OSBPL1A: variants seen among roughly 807,000 people sequenced by gnomAD.
OSBPL1A encodes the protein oxysterol-binding protein-related protein 1.
A neutral mutation model predicts 137.1 loss-of-function variants in OSBPL1A; 80 were observed. That is an observed-to-expected ratio of 0.58 (90% confidence interval 0.49 to 0.70). OSBPL1A has a LOEUF of 0.70. Among genes scored for constraint, OSBPL1A ranks in the 30% least tolerant of loss-of-function variants. The probability of loss-of-function intolerance (pLI) is 0.00; values close to 1 mark genes in which losing one functional copy is unlikely to be tolerated. For missense variants in OSBPL1A, 970 were observed against 1,129.4 expected (o/e 0.86, Z 2.02); for synonymous variants, 365 against 389.7 (o/e 0.94, Z 0.75).
intron 1 of OSBPL1A, among the ~76,000 whole-genome samples, chr18:24,390,467 C>T (rs8088669): frequency 0.14 from 20,683 of 151,958 alleles, 2,085 homozygotes; most frequent in East Asian, 0.43. Context: ...CCAAGGCAGG[C>T]GATCACTTGA....
chr18:24,171,562 CTG>C, intron 22 of OSBPL1A, 64 bp from the exon 23 acceptor site: 3 of 1,261,772 alleles, frequency 2.4e-6, no homozygotes, highest in Non-Finnish European at 2.3e-6. Context: ...AGAAAAATAA[CTG>C]TGATCACTTT....
At chr18:24,245,826 C>T (rs925677101) in intron 15 of OSBPL1A, among the ~76,000 whole-genome samples, 2 of 152,234 alleles carry the variant, frequency 1.3e-5, no homozygotes, top group African/African-American at 2.4e-5. Flanking sequence ...CTCATCTCAT[C>T]ACTGCCTTTT....
chr18:24,187,087 C>T (rs1357955287), intron 18 of OSBPL1A, among the ~76,000 whole-genome samples: 1 of 151,946 alleles, frequency 6.6e-6, no homozygotes, highest in African/African-American at 2.4e-5. Context: ...AGAAGAGCAA[C>T]AAAATACATT....
intron 18 of OSBPL1A, among the ~76,000 whole-genome samples, chr18:24,194,618 C>G (rs533149980): frequency 5.3e-5 from 8 of 152,278 alleles, no homozygotes; most frequent in Middle Eastern, 3.4e-3. Flanking sequence ...AATTAGAGCT[C>G]AAGTCTCATT....
chr18:24,307,810 C>T (rs954421792), intron 13 of OSBPL1A, among the ~76,000 whole-genome samples: 2 of 152,170 alleles, frequency 1.3e-5, no homozygotes, highest in African/African-American at 4.8e-5. Flanking sequence ...TTGAGAGAGG[C>T]TGGCTCTATC....
At chr18:24,247,097 G>A (rs1445524396) in intron 15 of OSBPL1A, among the ~76,000 whole-genome samples, 1 of 152,110 alleles carries the variant, frequency 6.6e-6, no homozygotes, top group Non-Finnish European at 1.5e-5. Context: ...AACATTAAGG[G>A]AGAAAGTGAG....
intron 17 of OSBPL1A, among the ~76,000 whole-genome samples, chr18:24,205,531 T>A (rs1319042529): frequency 1.3e-5 from 2 of 152,228 alleles, no homozygotes; most frequent in Admixed American, 6.5e-5. Flanking sequence ...AATTTAATTT[T>A]ATTTTAAATA....
chr18:24,339,588 C>A (rs1471920124), intron 5 of OSBPL1A, among the ~76,000 whole-genome samples: 1 of 152,192 alleles, frequency 6.6e-6, no homozygotes, highest in Non-Finnish European at 1.5e-5. Context: ...ACTTGTCAGA[C>A]TAACCTAACA....
At chr18:24,392,551 G>A (rs28450067) in intron 1 of OSBPL1A, among the ~76,000 whole-genome samples, 13,312 of 152,224 alleles carry the variant, frequency 0.087, 658 homozygotes, top group African/African-American at 0.13. Flanking sequence ...CTGATTTTAT[G>A]AATGTTACAT....
intron 17 of OSBPL1A, among the ~76,000 whole-genome samples, chr18:24,216,276 C>T (rs908701764): frequency 1.3e-5 from 2 of 152,186 alleles, no homozygotes; most frequent in African/African-American, 2.4e-5. Flanking sequence ...GAGGCCAAGG[C>T]GGGTGGATTG....
At chr18:24,369,409 C>A (rs888719793) in intron 2 of OSBPL1A, among the ~76,000 whole-genome samples, 14 of 152,224 alleles carry the variant, frequency 9.2e-5, no homozygotes, top group African/African-American at 3.4e-4. Context: ...CCCAATCAGA[C>A]TGTAGCAAAT....
intron 5 of OSBPL1A, among the ~76,000 whole-genome samples, chr18:24,339,232 A>G (rs2091234037): frequency 6.6e-6 from 1 of 152,130 alleles, no homozygotes; most frequent in Admixed American, 6.5e-5. Context: ...TCAGCCTCCC[A>G]AAGTGCTGGG....
intron 19 of OSBPL1A, among the ~76,000 whole-genome samples, chr18:24,180,684 C>T (rs1236007477): frequency 6.6e-6 from 1 of 152,154 alleles, no homozygotes; most frequent in African/African-American, 2.4e-5. Flanking sequence ...ACCATCCTGG[C>T]TAACACAGGT....
chr18:24,322,472 T>G (rs1456091907), intron 7 of OSBPL1A, among the ~76,000 whole-genome samples: 1 of 152,002 alleles, frequency 6.6e-6, no homozygotes, highest in Non-Finnish European at 1.5e-5. Flanking sequence ...GAGCTGCTGA[T>G]GGGGAACCTG....
At position 24,368,374 on chromosome 18, in the gene OSBPL1A, T is replaced by C. The variant is rs1905337672; in HGVS notation, c.122-2A>G. On this transcript the variant is annotated splice_acceptor_variant, in intron 2 of 27. Transcript: ENST00000319481. LOFTEE classifies it high-confidence loss of function. ...AGCCCAAGTTAGACTTACTTCTTCC[T>C]AAAAATGGAAAAATATAAGGTATTT... 1.9e-6 allele frequency: 3 copies of C among 1,607,208 alleles called. No homozygotes were observed. The highest frequency in any genetic ancestry group is 2.6e-6 in the Non-Finnish European group (3 of 1,174,632).
intron 1 of OSBPL1A, among the ~76,000 whole-genome samples, chr18:24,379,519 CAAA>C (rs1401150889): frequency 1.2e-5 from 1 of 81,666 alleles, no homozygotes. Flanking sequence ...GACTTGGTCT[CAAA>C]AAAAAAAAAA....
intron 4 of OSBPL1A, among the ~76,000 whole-genome samples, chr18:24,348,722 C>G (rs899709367): frequency 3.3e-5 from 5 of 151,944 alleles, no homozygotes; most frequent in African/African-American, 1.2e-4. Flanking sequence ...TGCAGTGAGC[C>G]AAGATCGCAC....
chr18:24,347,467 A>G (rs969744568), intron 4 of OSBPL1A, among the ~76,000 whole-genome samples: 1 of 152,186 alleles, frequency 6.6e-6, no homozygotes, highest in African/African-American at 2.4e-5. Context: ...CTACAGGCGT[A>G]AGCCACAGCG....
rs769789088 is a variant in OSBPL1A at position 24,303,713 on chromosome 18, T to C, written c.1098A>G (p.Ala366=). 1 of 1,612,506 alleles carries C rather than the reference T, an allele frequency of 6.2e-7. No homozygotes were observed. The highest frequency in any genetic ancestry group is 8.5e-7 in the Non-Finnish European group (1 of 1,179,232). The change falls in exon 14 of 28, where the codon GCA becomes GCG. Residue 366 remains alanine, a synonymous_variant. Transcript: ENST00000319481. ...AADLKKSLEK[A]QSCQQRLDRE... is the part of the protein sequence containing the mutation. ...TATCTAGTCGCTGTTGGCATGACTG[T>C]GCTTTCTGCAAAAAAAGAAAAGACA...
Sources: allele counts gnomAD v4.1 joint callset (sites outside exome capture counted in the v4.1 genomes callset), GRCh38; gene constraint gnomAD v4.1.1; transcripts MANE v1.5; gene names NCBI Gene and HGNC (gene_info 2026-07-23, HGNC 2026-07-21).